The following NHSL3 variants were observed in gnomAD, a reference collection of about 807,000 sequenced individuals.
NHSL3 encodes the protein NHS-like protein 3.
At chr1:32,742,419 C>A in the NHSL3 span, among the ~76,000 whole-genome samples, 10 of 152,234 alleles carry the variant, frequency 6.6e-5, no homozygotes, top group Non-Finnish European at 1.2e-4. Context: ...CCGGCTGGGG[C>A]AGGGATCCCC....
At chr1:32,771,677 C>T in the NHSL3 span, 2 of 1,611,688 alleles carry the variant, frequency 1.2e-6, no homozygotes, top group Non-Finnish European at 1.7e-6. Flanking sequence ...CCGGGTAGCC[C>T]AGACCCTCCT....
the NHSL3 span, chr1:32,770,059 C>T: frequency 2.3e-4 from 362 of 1,567,558 alleles, no homozygotes; most frequent in African/African-American, 3.9e-3. This position sits in a 1 kb window ranked among gnomAD's most constrained non-coding sequence, Gnocchi z 8.3. Context: ...CATGCTGCAG[C>T]GCCACATTGA....
the NHSL3 span, among the ~76,000 whole-genome samples, chr1:32,746,582 G>C: frequency 2.6e-5 from 4 of 152,334 alleles, no homozygotes; most frequent in South Asian, 6.2e-4. Flanking sequence ...GAGAAAAAAG[G>C]GGTGAGAGTA....
chr1:32,761,365 A>G, the NHSL3 span, among the ~76,000 whole-genome samples: 1 of 151,680 alleles, frequency 6.6e-6, no homozygotes, highest in Non-Finnish European at 1.5e-5. Flanking sequence ...GGGGAGGGGG[A>G]GGGGTGTCGC....
the NHSL3 span, chr1:32,765,974 G>T: frequency 1.2e-6 from 1 of 805,806 alleles, no homozygotes; most frequent in Non-Finnish European, 2.0e-6. Context: ...CCATCCGGCT[G>T]TGCTTTTGTC....
chr1:32,750,747 C>T, the NHSL3 span, among the ~76,000 whole-genome samples: 1 of 151,968 alleles, frequency 6.6e-6, no homozygotes, highest in African/African-American at 2.4e-5. Flanking sequence ...ACCTTGTGAT[C>T]TGCCCGCCTC....
the NHSL3 span, chr1:32,771,112 C>T: frequency 2.0e-5 from 32 of 1,613,646 alleles, no homozygotes; most frequent in Middle Eastern, 1.7e-4. Flanking sequence ...CCCCTCAGAC[C>T]GCTCTGGGCC....
chr1:32,756,580 G>A, the NHSL3 span, among the ~76,000 whole-genome samples: 1 of 143,506 alleles, frequency 7.0e-6, no homozygotes, highest in Non-Finnish European at 1.5e-5. Context: ...GATTACGTGA[G>A]CCTGGGAGGT....
At chr1:32,756,806 T>TA in the NHSL3 span, among the ~76,000 whole-genome samples, 1 of 151,526 alleles carries the variant, frequency 6.6e-6, no homozygotes, top group Non-Finnish European at 1.5e-5. Flanking sequence ...CCGTCTCTAC[T>TA]AAAAATACAA....
At chr1:32,768,303 C>T in the NHSL3 span, among the ~76,000 whole-genome samples, 57 of 152,128 alleles carry the variant, frequency 3.7e-4, no homozygotes, top group Middle Eastern at 3.4e-3. Context: ...CTCAAAAGTT[C>T]GAGTGGGAGG....
the NHSL3 span, among the ~76,000 whole-genome samples, chr1:32,746,163 G>A: frequency 6.6e-6 from 1 of 150,808 alleles, no homozygotes; most frequent in African/African-American, 2.4e-5. Flanking sequence ...CCCGGGAGGC[G>A]GAGCTTGCAA....
At chr1:32,748,916 G>A in the NHSL3 span, among the ~76,000 whole-genome samples, 1 of 152,154 alleles carries the variant, frequency 6.6e-6, no homozygotes, top group Non-Finnish European at 1.5e-5. Context: ...GATAGACATT[G>A]TTTTCCTAGG....
At chr1:32,753,961 T>G in the NHSL3 span, 1 of 321,940 alleles carries the variant, frequency 3.1e-6, no homozygotes, top group Non-Finnish European at 5.8e-6. Context: ...GGGGGCGTGG[T>G]CGAGCTGGGG....
the NHSL3 span, among the ~76,000 whole-genome samples, chr1:32,749,405 A>G: frequency 6.6e-6 from 1 of 152,124 alleles, no homozygotes; most frequent in South Asian, 2.1e-4. Context: ...ATGATAGGTA[A>G]TGCTCCAGTA....
At chr1:32,744,129 G>T in the NHSL3 span, among the ~76,000 whole-genome samples, 2 of 152,156 alleles carry the variant, frequency 1.3e-5, no homozygotes, top group Admixed American at 1.3e-4. Context: ...TGGGAGAGGT[G>T]GGGAGGAGGG....
chr1:32,759,857 C>T, the NHSL3 span, among the ~76,000 whole-genome samples: 3 of 152,306 alleles, frequency 2.0e-5, no homozygotes, highest in South Asian at 6.2e-4. Context: ...CCTTGAGCCT[C>T]CTGGTGCTCA....
chr1:32,766,287 T>G, the NHSL3 span, among the ~76,000 whole-genome samples: 1 of 152,118 alleles, frequency 6.6e-6, no homozygotes, highest in Non-Finnish European at 1.5e-5. Flanking sequence ...AGGGGCCTGT[T>G]CCTCCTTCCT....
the NHSL3 span, chr1:32,772,168 C>T: frequency 3.5e-5 from 56 of 1,613,326 alleles, no homozygotes; most frequent in Admixed American, 6.7e-5. Flanking sequence ...TGACCTCCAG[C>T]GGAATCTGGT....
At chr1:32,773,731 G>A in the NHSL3 span, 692 of 152,808 alleles carry the variant, frequency 4.5e-3, 2 homozygotes, top group Non-Finnish European at 6.9e-3. Flanking sequence ...TGGGCCCCCA[G>A]CACTTCAGAG....
Sources: allele counts gnomAD v4.1 joint callset (sites outside exome capture counted in the v4.1 genomes callset), GRCh38; gene constraint gnomAD v4.1.1; non-coding constraint Gnocchi (gnomAD v3.1); transcripts MANE v1.5; gene names NCBI Gene and HGNC (gene_info 2026-07-23, HGNC 2026-07-21).